MASTL: variants seen among roughly 807,000 people sequenced by gnomAD.
MASTL encodes microtubule associated serine/threonine kinase like, also known as serine/threonine-protein kinase greatwall.
MASTL carries 54 observed loss-of-function variants against 82.5 expected under a neutral mutation model. The observed-to-expected ratio is 0.65, with a 90% CI of 0.53 to 0.82. The LOEUF (loss-of-function observed/expected upper bound fraction) is 0.82. MASTL is among the 40% of genes least tolerant of loss of function. The pLI, the probability that MASTL is intolerant of heterozygous loss-of-function variation, is 0.00. For missense variants in MASTL, 950 were observed against 1,047.8 expected (o/e 0.91, Z 1.29); for synonymous variants, 323 against 368.9 (o/e 0.88, Z 1.43).
intron 7 of MASTL, among the ~76,000 whole-genome samples, 164 bp downstream of exon 7, chr10:27,167,438 C>T (rs1484326849): frequency 6.6e-6 from 1 of 152,144 alleles, no homozygotes; most frequent in South Asian, 2.1e-4. Flanking sequence ...CTGTCAAATT[C>T]TTTTGAAATA....
chr10:27,176,342 CTTA>C lies in MASTL; in HGVS notation c.2266+3088_2266+3090del, dbSNP rs1301867518. ...TTCTATCTGATCTCTTCAACTTCAT[CTTA>C]TTATCAATAATCATTGCCACCGGAT... On this transcript the variant is annotated intron_variant, in intron 9 of 11. Transcript: ENST00000375940. Among the ~76,000 whole-genome samples, 9 of 152,318 alleles carry C rather than the reference CTTA, an allele frequency of 5.9e-5. No individual in the cohort carries two copies. In the Middle Eastern group the frequency reaches 0.01, roughly 173 times the overall value.
At chr10:27,175,955 G>A (rs2058088670) in intron 9 of MASTL, among the ~76,000 whole-genome samples, 1 of 152,028 alleles carries the variant, frequency 6.6e-6, no homozygotes, top group South Asian at 2.1e-4. Flanking sequence ...AAATTAGCCA[G>A]GCGTGGTGGT....
At chr10:27,162,951 C>CTGT (rs2057619503) in intron 4 of MASTL, among the ~76,000 whole-genome samples, 1 of 151,996 alleles carries the variant, frequency 6.6e-6, no homozygotes, top group Admixed American at 6.5e-5. Flanking sequence ...GGTTTTTGCT[C>CTGT]TGTTGCCCAG....
chr10:27,155,496 A>G lies in MASTL; in HGVS notation c.70A>G (p.Ile24Val), dbSNP rs140217849. ...GAATEEGVNR[I>V]AVPKPPSIEE... ...GGCGACTGAGGAGGGCGTGAATAGGATCGCAGTGCCAAAACCGCCCTCCAT... is the reference window on the plus strand; with the variant it reads ...GGCGACTGAGGAGGGCGTGAATAGGGTCGCAGTGCCAAAACCGCCCTCCAT... The change falls in exon 1 of 12, where the codon ATC becomes GTC. Residue 24 changes from isoleucine to valine, a missense_variant. By Grantham distance (29) the Ile-to-Val change is conservative. Transcript: ENST00000375940. 2.6e-4 allele frequency: 426 copies of G among 1,614,194 alleles called. 1 individual carries two copies. In the African/African-American group the frequency reaches 4.6e-3, roughly 18 times the overall value.
At chr10:27,169,326 G>A (rs982446293) in intron 7 of MASTL, among the ~76,000 whole-genome samples, 1 of 152,030 alleles carries the variant, frequency 6.6e-6, no homozygotes, top group African/African-American at 2.4e-5. Flanking sequence ...ACTTTGGGAG[G>A]CCTAGGCAGG....
intron 4 of MASTL, among the ~76,000 whole-genome samples, chr10:27,163,168 C>T (rs1248393462): frequency 2.0e-5 from 3 of 152,094 alleles, no homozygotes; most frequent in Non-Finnish European, 4.4e-5. Flanking sequence ...TCACCCGCCT[C>T]GGCCTCCCAA....
At chr10:27,164,952 T>G in intron 4 of MASTL, 112 bp from the exon 5 acceptor site, 3 of 752,764 alleles carry the variant, frequency 4.0e-6, no homozygotes, top group Non-Finnish European at 6.9e-6. Context: ...TCTCCTTTTT[T>G]AACATTTGGT....
intron 8 of MASTL, among the ~76,000 whole-genome samples, 155 bp downstream of exon 8, chr10:27,171,238 T>G (rs1292259384): frequency 1.3e-5 from 2 of 152,144 alleles, no homozygotes; most frequent in African/African-American, 4.8e-5. Flanking sequence ...CCCAGAAAAG[T>G]AAAGCTGGTA....
chr10:27,179,789 C>T (rs1266972493), intron 9 of MASTL, among the ~76,000 whole-genome samples: 1 of 152,152 alleles, frequency 6.6e-6, no homozygotes, highest in African/African-American at 2.4e-5. Context: ...ACCAGGCTTT[C>T]CTCCAATTAC....
rs1287621036 is a variant in MASTL at position 27,159,047 on chromosome 10, A to C, written c.324+361A>C. ...AGACTCCATCTCTACAAAAAAATTA[A>C]AGTAAAAATTAGCTGGGCATGGTGG... On this transcript the variant is annotated intron_variant, in intron 2 of 11. Coordinates refer to ENST00000375940, the MANE Select transcript of MASTL (RefSeq NM_001172303.3). This position sits in a 1 kb window ranked among gnomAD's most constrained non-coding sequence, Gnocchi z 4.0. 6.6e-6 allele frequency among the ~76,000 whole-genome samples: 1 copy of C among 152,202 alleles called. No individual in the cohort carries two copies. The highest frequency in any genetic ancestry group is 1.5e-5 in the Non-Finnish European group (1 of 68,030).
In MASTL at chr10:27,169,412, A is replaced by G. The variant is rs190472236; in HGVS notation, c.985-532A>G. Among the ~76,000 whole-genome samples the G allele has an allele frequency of 9.2e-3, 1,395 of 152,110 alleles. 9 individuals carry two copies. Among genetic ancestry groups the G allele is most frequent in the Non-Finnish European group, 0.014 (970 of 67,994 alleles). Reference sequence around the variant, plus strand: ...ACCCCATCTCCACTTAAAAAAAATTATGCAAAAATTAGCCAGGTGTGGTGG... The same window carrying G: ...ACCCCATCTCCACTTAAAAAAAATTGTGCAAAAATTAGCCAGGTGTGGTGG... On this transcript the variant is annotated intron_variant, in intron 7 of 11. Transcript: ENST00000375940.
At position 27,187,666 on chromosome 10, in the gene MASTL, C is replaced by T. The variant is rs182608602; in HGVS notation, c.*1130C>T. Among the ~76,000 whole-genome samples the T allele has an allele frequency of 3.6e-3, 551 of 151,666 alleles. 4 individuals carry two copies. Among genetic ancestry groups the T allele is most frequent in the South Asian group, 0.023 (110 of 4,796 alleles). The stretch of plus-strand genomic sequence containing the variant: ...ACTTGGGAGGCTGAGGCATGAGAAT[C>T]GCTTGAACCCAGGAGGTGGAGATTG... On this transcript the variant is annotated 3_prime_UTR_variant, in exon 12 of 12. Coordinates refer to ENST00000375940, the MANE Select transcript of MASTL (RefSeq NM_001172303.3).
At chr10:27,179,814 C>T (rs1455405851) in intron 9 of MASTL, among the ~76,000 whole-genome samples, 3 of 152,144 alleles carry the variant, frequency 2.0e-5, no homozygotes, top group South Asian at 2.1e-4. Flanking sequence ...AATGTTGCTG[C>T]CTTATCTCAT....
chr10:27,156,520 A>G (rs1300570937), intron 1 of MASTL, among the ~76,000 whole-genome samples: 1 of 147,858 alleles, frequency 6.8e-6, no homozygotes, highest in Non-Finnish European at 1.5e-5. Flanking sequence ...ATTTTTTTTT[A>G]AGACAGTCTT....
chr10:27,165,045 C>A lies in MASTL; in HGVS notation c.554-19C>A, dbSNP rs1588669693. 7.0e-7 allele frequency: 1 copy of A among 1,421,564 alleles called. No homozygotes were observed. The highest frequency in any genetic ancestry group is 1.0e-6 in the Non-Finnish European group (1 of 1,004,868). 88.1% of individuals were successfully genotyped at this position (1,421,564 alleles called of 1,614,324 possible). On this transcript the variant is annotated intron_variant, in intron 4 of 11. Transcript: ENST00000375940. ...TAAAGGTTTTAAATACATTTATATACTTTTCTTTGCATACATAGATATTAA... is the reference window on the plus strand; with the variant it reads ...TAAAGGTTTTAAATACATTTATATAATTTTCTTTGCATACATAGATATTAA...
intron 11 of MASTL, 30 bp from the exon 12 acceptor site, chr10:27,186,349 C>G (rs1374786932): frequency 4.4e-6 from 7 of 1,599,880 alleles, no homozygotes; most frequent in Non-Finnish European, 5.1e-6. Context: ...GTAATGATAT[C>G]ATACTGTTTT....
chr10:27,175,269 G>A (rs571728536), intron 9 of MASTL, among the ~76,000 whole-genome samples: 2 of 152,060 alleles, frequency 1.3e-5, no homozygotes, highest in African/African-American at 4.8e-5. Context: ...TGCAACCTCC[G>A]TCTCCCGGGT....
chr10:27,157,096 C>T (rs531846008), intron 1 of MASTL, among the ~76,000 whole-genome samples: 1 of 152,220 alleles, frequency 6.6e-6, no homozygotes, highest in South Asian at 2.1e-4. Flanking sequence ...AGCCACCGTG[C>T]CTGGCCTTAT....
chr10:27,157,323 C>T (rs996074344), intron 1 of MASTL, among the ~76,000 whole-genome samples: 3 of 152,132 alleles, frequency 2.0e-5, no homozygotes, highest in Non-Finnish European at 4.4e-5. Context: ...AACACCAATC[C>T]ATGTGTTCAG....
Sources: allele counts gnomAD v4.1 joint callset (sites outside exome capture counted in the v4.1 genomes callset), GRCh38; gene constraint gnomAD v4.1.1; non-coding constraint Gnocchi (gnomAD v3.1); transcripts MANE v1.5; gene names NCBI Gene and HGNC (gene_info 2026-07-23, HGNC 2026-07-21).